CTNNA3: variants seen among roughly 807,000 people sequenced by gnomAD.
CTNNA3 encodes the protein catenin alpha 3, also known as catenin alpha-3.
CTNNA3 carries 76 observed loss-of-function variants against 95.7 expected under a neutral mutation model. The observed-to-expected ratio is 0.79, with a 90% confidence interval of 0.66 to 0.96. The LOEUF (loss-of-function observed/expected upper bound fraction) is 0.96. CTNNA3 is among the 40% of genes least tolerant of loss of function. CTNNA3 has a pLI of 0.00. For synonymous variants in CTNNA3, 431 were observed against 374.4 expected, an observed-to-expected ratio of 1.15 and a Z score of -1.74; for missense variants, 1,191 against 1,089.8, an observed-to-expected ratio of 1.09 and a Z score of -1.31.
At chr10:67,702,833 A>G (rs1195008687) in intron 1 of CTNNA3, among the ~76,000 whole-genome samples, 1 of 152,224 alleles carries the variant, frequency 6.6e-6, no homozygotes, top group Non-Finnish European at 1.5e-5. Flanking sequence ...TAATGAATCC[A>G]GGAGCTGGTT....
At chr10:66,142,063 T>C (rs1472641991) in intron 13 of CTNNA3, among the ~76,000 whole-genome samples, 1 of 152,200 alleles carries the variant, frequency 6.6e-6, no homozygotes. Context: ...TTTGGTGTTG[T>C]ACCTAAAACG....
intron 7 of CTNNA3, among the ~76,000 whole-genome samples, chr10:66,893,811 G>C (rs562503737): frequency 6.6e-6 from 1 of 152,184 alleles, no homozygotes; most frequent in Non-Finnish European, 1.5e-5. Context: ...CTACCTAAAA[G>C]AACACAGATA....
intron 5 of CTNNA3, among the ~76,000 whole-genome samples, chr10:67,257,262 G>C (rs1310772936): frequency 1.3e-5 from 2 of 151,828 alleles, no homozygotes; most frequent in Admixed American, 1.3e-4. Context: ...GGCTCTTGGG[G>C]AGATAAAGAC....
chr10:66,490,287 A>G (rs1277306751), intron 11 of CTNNA3, among the ~76,000 whole-genome samples: 2 of 152,166 alleles, frequency 1.3e-5, no homozygotes, highest in Non-Finnish European at 2.9e-5. Context: ...CATAGCAAGT[A>G]TGTCACATTT....
In CTNNA3 at chr10:67,658,550, A is replaced by G. The variant is rs143181878; in HGVS notation, c.-5-11032T>C. On this transcript the variant is annotated intron_variant, in intron 1 of 17. Transcript: ENST00000433211. Reference sequence around the variant, plus strand: ...TATTGGATTTCTTGACTTCAAAATCAATAAGGCATATTTCCTACATGTGCA... The same window carrying G: ...TATTGGATTTCTTGACTTCAAAATCGATAAGGCATATTTCCTACATGTGCA... Among the ~76,000 whole-genome samples, 556 of 152,322 alleles carry G rather than the reference A, an allele frequency of 3.7e-3. 3 individuals are homozygous for G. The highest frequency in any genetic ancestry group is 0.014 in the Middle Eastern group (4 of 294).
At chr10:67,289,964 A>C (rs1839769978) in intron 5 of CTNNA3, among the ~76,000 whole-genome samples, 1 of 151,680 alleles carries the variant, frequency 6.6e-6, no homozygotes, top group Non-Finnish European at 1.5e-5. Flanking sequence ...ATGCCAGGCT[A>C]ATTTAAAAAA....
At chr10:66,053,680 T>C (rs1432436844) in intron 15 of CTNNA3, among the ~76,000 whole-genome samples, 4 of 152,076 alleles carry the variant, frequency 2.6e-5, no homozygotes, top group Non-Finnish European at 5.9e-5. Context: ...ATGAGGTACA[T>C]GTGATATTTT....
At chr10:66,017,078 C>T (rs1326741244) in intron 15 of CTNNA3, among the ~76,000 whole-genome samples, 1 of 151,958 alleles carries the variant, frequency 6.6e-6, no homozygotes, top group Admixed American at 6.6e-5. Context: ...TACATAAATG[C>T]CTGGACTATA....
intron 15 of CTNNA3, among the ~76,000 whole-genome samples, chr10:66,048,747 C>A (rs1056837608): frequency 1.3e-5 from 2 of 151,852 alleles, no homozygotes; most frequent in Admixed American, 1.3e-4. Context: ...GGCGGCAGAG[C>A]GAGACTCCAT....
At chr10:66,369,700 T>C (rs770856108) in intron 12 of CTNNA3, among the ~76,000 whole-genome samples, 8 of 152,146 alleles carry the variant, frequency 5.3e-5, no homozygotes, top group East Asian at 1.9e-4. Context: ...CATTTGCAAA[T>C]GTTGGCCGGC....
chr10:66,142,973 C>G (rs902449612), intron 13 of CTNNA3, among the ~76,000 whole-genome samples: 2 of 152,060 alleles, frequency 1.3e-5, no homozygotes, highest in African/African-American at 4.8e-5. Context: ...ATTTCTGGCT[C>G]TGCTTCCAGA....
chr10:66,038,724 G>A (rs1235842617), intron 15 of CTNNA3, among the ~76,000 whole-genome samples: 1 of 152,142 alleles, frequency 6.6e-6, no homozygotes, highest in African/African-American at 2.4e-5. Context: ...ATGAAAGGAT[G>A]AGAAGTTTCC....
chr10:66,632,876 A>G (rs1186971111), intron 9 of CTNNA3, among the ~76,000 whole-genome samples: 3 of 152,130 alleles, frequency 2.0e-5, no homozygotes, highest in Non-Finnish European at 4.4e-5. Context: ...AAGGCCATTA[A>G]AAATGGACAA....
At chr10:66,367,716 A>ATTATTATTAT (rs2092720144) in intron 12 of CTNNA3, among the ~76,000 whole-genome samples, 1 of 148,788 alleles carries the variant, frequency 6.7e-6, no homozygotes, top group Admixed American at 6.7e-5. Flanking sequence ...TCATATAGTT[A>ATTATTATTAT]GATTCATGAT....
intron 3 of CTNNA3, among the ~76,000 whole-genome samples, chr10:67,583,586 CTGAATT>C (rs1842499052): frequency 6.6e-6 from 1 of 152,012 alleles, no homozygotes; most frequent in African/African-American, 2.4e-5. Context: ...TCTGTATTTC[CTGAATT>C]TGAATGTTGG....
chr10:67,459,887 G>C (rs1014448112), intron 5 of CTNNA3, among the ~76,000 whole-genome samples: 1 of 152,096 alleles, frequency 6.6e-6, no homozygotes, highest in African/African-American at 2.4e-5. Flanking sequence ...CTAAAACCAA[G>C]CATGCTCCAA....
intron 14 of CTNNA3, among the ~76,000 whole-genome samples, chr10:66,102,822 C>T (rs1040077870): frequency 4.6e-5 from 7 of 151,866 alleles, no homozygotes; most frequent in African/African-American, 1.7e-4. Flanking sequence ...CTAGAATTCC[C>T]GAGTATATTT....
chr10:66,548,129 C>T (rs962051698), intron 10 of CTNNA3, among the ~76,000 whole-genome samples: 1 of 151,994 alleles, frequency 6.6e-6, no homozygotes, highest in South Asian at 2.1e-4. Context: ...GTTGGTCAGG[C>T]TGGTCTCAAA....
chr10:66,685,816 G>A (rs1039637917), intron 9 of CTNNA3, among the ~76,000 whole-genome samples: 5 of 152,084 alleles, frequency 3.3e-5, no homozygotes, highest in Non-Finnish European at 4.4e-5. Context: ...TAGAAGCCAC[G>A]ACACTTAGGT....
Sources: allele counts gnomAD v4.1 joint callset (sites outside exome capture counted in the v4.1 genomes callset), GRCh38; gene constraint gnomAD v4.1.1; transcripts MANE v1.5; gene names NCBI Gene and HGNC (gene_info 2026-07-23, HGNC 2026-07-21).